Variants in NCK2 observed in about 807,000 individuals in gnomAD.
The protein encoded by NCK2 is cytoplasmic protein NCK2.
NCK2 carries 16 observed loss-of-function variants against 33.9 expected under a neutral mutation model. The ratio of observed to expected loss-of-function variants is 0.47; its 90% CI spans 0.32 to 0.72. The LOEUF (loss-of-function observed/expected upper bound fraction) is 0.72. Ranked by LOEUF, NCK2 falls within the 30% of genes least tolerant of loss-of-function variation. NCK2 has a pLI of 0.03. For missense variants in NCK2, 418 were observed against 537.3 expected, an observed-to-expected ratio of 0.78 and a Z score of 2.19; for synonymous variants, 273 against 239.9, an observed-to-expected ratio of 1.14 and a Z score of -1.27.
chr2:105,830,012 T>C (rs1432677388), intron 2 of NCK2, among the ~76,000 whole-genome samples: 1 of 152,242 alleles, frequency 6.6e-6, no homozygotes, highest in Non-Finnish European at 1.5e-5. Flanking sequence ...TAAAGAGTGG[T>C]ATTTTGATAC....
intron 2 of NCK2, among the ~76,000 whole-genome samples, chr2:105,834,842 A>G (rs900877119): frequency 6.6e-6 from 1 of 151,498 alleles, no homozygotes; most frequent in Non-Finnish European, 1.5e-5. Context: ...GTCTGGCTAA[A>G]TTTTATTTTT....
rs1678509230 is a variant in NCK2, at chr2:105,881,868, G to A, written c.767G>A (p.Ser256Asn). Reference sequence around the variant, plus strand: ...CCCAAAAACTACGTGGTGGTCCTCAGTGACGGGCCTGCCCTGCACCCTGCG... The same window carrying A: ...CCCAAAAACTACGTGGTGGTCCTCAATGACGGGCCTGCCCTGCACCCTGCG... ...LVPKNYVVVL[S>N]DGPALHPAHA... Residue 256 changes from serine (S) to asparagine (N), a missense_variant, in exon 4 of 5, where the codon AGT (serine) becomes AAT (asparagine). Coordinates refer to ENST00000233154, the MANE Select transcript of NCK2 (RefSeq NM_003581.5). 1.3e-6 allele frequency: 2 copies of A among 1,588,148 alleles called. No individual in the cohort carries two copies. Among genetic ancestry groups the A allele is most frequent in the Admixed American group, 3.4e-5 (2 of 58,096 alleles).
intron 2 of NCK2, among the ~76,000 whole-genome samples, chr2:105,845,378 C>T (rs940487515): frequency 6.9e-6 from 1 of 144,680 alleles, no homozygotes; most frequent in African/African-American, 2.6e-5. Context: ...TGAGGAAACT[C>T]ATGACATTTA....
At chr2:105,849,940 A>G (rs1470109851) in intron 2 of NCK2, among the ~76,000 whole-genome samples, 1 of 152,204 alleles carries the variant, frequency 6.6e-6, no homozygotes, top group Non-Finnish European at 1.5e-5. Context: ...CAAGCTCCTC[A>G]TGAGGTATTA....
chr2:105,768,786 C>G lies in NCK2; in HGVS notation c.-201+23648C>G, dbSNP rs928290840. ...AGGGAAGCCAAAAGATTGGACACCC[C>G]TGTTTTAAAGGATGCAACTTAGGAA... On this transcript the variant is annotated intron_variant, in intron 1 of 4. Transcript: ENST00000233154. Among the ~76,000 whole-genome samples, 19 of 152,322 alleles carry G rather than the reference C, an allele frequency of 1.2e-4. No individual in the cohort carries two copies. The East Asian group carries it at 2.9e-3, about 23-fold the overall frequency.
At chr2:105,867,311 A>G (rs1340270022) in intron 3 of NCK2, among the ~76,000 whole-genome samples, 1 of 152,208 alleles carries the variant, frequency 6.6e-6, no homozygotes, top group Non-Finnish European at 1.5e-5. Flanking sequence ...CATGAATTAA[A>G]TATAATGTAT....
intron 3 of NCK2, among the ~76,000 whole-genome samples, chr2:105,865,356 A>G (rs1051368281): frequency 2.6e-5 from 4 of 152,162 alleles, no homozygotes; most frequent in South Asian, 2.1e-4. Context: ...TGAGGTGCCC[A>G]AGAACACACA....
chr2:105,821,015 C>T (rs893002827), intron 2 of NCK2, among the ~76,000 whole-genome samples: 8 of 152,206 alleles, frequency 5.3e-5, no homozygotes, highest in Non-Finnish European at 1.2e-4. Context: ...TTTAACTGAG[C>T]AGTGAGCATG....
At chr2:105,803,512 T>C (rs188735654) in intron 1 of NCK2, among the ~76,000 whole-genome samples, 2 of 152,348 alleles carry the variant, frequency 1.3e-5, no homozygotes, top group East Asian at 3.9e-4. Flanking sequence ...TGACTGCTAT[T>C]GTCTCCAAGG....
intron 1 of NCK2, among the ~76,000 whole-genome samples, chr2:105,754,012 T>G (rs1689532791): frequency 1.3e-5 from 2 of 152,162 alleles, no homozygotes; most frequent in East Asian, 3.9e-4. Flanking sequence ...CCTTTTGTGT[T>G]AGGAGGGCCA....
rs148953102 is a variant in NCK2, at chr2:105,780,419, G to A, written c.-201+35281G>A. Among the ~76,000 whole-genome samples the A allele has an allele frequency of 3.6e-3, 540 of 151,242 alleles. 5 individuals carry two copies. The highest frequency in any genetic ancestry group is 0.013 in the African/African-American group (521 of 41,202). ...CTCCCTTTCTGGCTCTCTCATTTTC[G>A]TTTGGTATCTGGGTTAAAATTCTAA... On this transcript the variant is annotated intron_variant, in intron 1 of 4. Transcript: ENST00000233154.
chr2:105,780,778 C>T lies in NCK2; in HGVS notation c.-201+35640C>T, dbSNP rs563110375. Among the ~76,000 whole-genome samples the T allele has an allele frequency of 5.9e-5, 9 of 152,352 alleles. 1 individual carries two copies. The East Asian group carries it at 1.7e-3, about 29-fold the overall frequency. On this transcript the variant is annotated intron_variant, in intron 1 of 4. Transcript: ENST00000233154. Reference sequence around the variant, plus strand: ...GACACCCCAGAGGGCCCCCTCACCCCTTCAGCATGTGAGGACACAGCAAGA... The same window carrying T: ...GACACCCCAGAGGGCCCCCTCACCCTTTCAGCATGTGAGGACACAGCAAGA...
intron 1 of NCK2, among the ~76,000 whole-genome samples, chr2:105,774,580 G>A (rs1409126231): frequency 2.6e-5 from 4 of 152,076 alleles, no homozygotes; most frequent in African/African-American, 7.2e-5. Flanking sequence ...AATTTGGGCA[G>A]GTGTCCACTG....
At chr2:105,844,692 G>A (rs1281370614) in intron 2 of NCK2, among the ~76,000 whole-genome samples, 3 of 148,856 alleles carry the variant, frequency 2.0e-5, no homozygotes, top group East Asian at 2.0e-4. Flanking sequence ...CTGAGATCGC[G>A]CCACTGCACT....
At chr2:105,767,426 C>T (rs1689985926) in intron 1 of NCK2, among the ~76,000 whole-genome samples, 1 of 152,188 alleles carries the variant, frequency 6.6e-6, no homozygotes, top group South Asian at 2.1e-4. Flanking sequence ...CATTCTGGTG[C>T]ACTGATGATA....
intron 1 of NCK2, among the ~76,000 whole-genome samples, chr2:105,808,142 C>T (rs1254104076): frequency 1.3e-5 from 2 of 152,148 alleles, no homozygotes; most frequent in East Asian, 1.9e-4. Flanking sequence ...TCATGATCCA[C>T]CCACCTTGGC....
At position 105,774,079 on chromosome 2, in the gene NCK2, G is replaced by C. The variant is rs1045501133; in HGVS notation, c.-201+28941G>C. 2.0e-5 allele frequency among the ~76,000 whole-genome samples: 3 copies of C among 149,350 alleles called. 1 individual carries two copies. In the South Asian group the frequency reaches 6.3e-4, roughly 31 times the overall value. ...GCTGGAGTGCAGTGGCACAATCTTG[G>C]CTCACTGCAACCTCTGTCTCCCAGG... On this transcript the variant is annotated intron_variant, in intron 1 of 4. Coordinates refer to ENST00000233154, the MANE Select transcript of NCK2 (RefSeq NM_003581.5).
chr2:105,793,273 T>G (rs1690959235), intron 1 of NCK2, among the ~76,000 whole-genome samples: 1 of 151,386 alleles, frequency 6.6e-6, no homozygotes, highest in African/African-American at 2.5e-5. Flanking sequence ...TGTTTTTTTG[T>G]CCCCTTATGG....
intron 1 of NCK2, among the ~76,000 whole-genome samples, chr2:105,780,734 G>A (rs1690465330): frequency 6.6e-6 from 1 of 152,140 alleles, no homozygotes; most frequent in Non-Finnish European, 1.5e-5. Flanking sequence ...TTGCAAATGG[G>A]ATTAATTTCC....
Sources: allele counts gnomAD v4.1 joint callset (sites outside exome capture counted in the v4.1 genomes callset), GRCh38; gene constraint gnomAD v4.1.1; transcripts MANE v1.5; gene names NCBI Gene and HGNC (gene_info 2026-07-23, HGNC 2026-07-21).